PCDH15: variants seen among roughly 807,000 people sequenced by gnomAD.
PCDH15 encodes the protein protocadherin related 15.
PCDH15 carries 129 observed loss-of-function variants against 178.5 expected under a neutral mutation model. That is an observed-to-expected ratio of 0.72 (90% CI 0.63 to 0.84). The LOEUF is 0.84. Among genes scored for constraint, PCDH15 ranks in the 40% least tolerant of loss-of-function variants. The pLI is 0.00. For missense variants in PCDH15, 2,230 were observed against 2,099.9 expected, an observed-to-expected ratio of 1.06 and a Z score of -1.21; for synonymous variants, 800 against 732.0, an observed-to-expected ratio of 1.09 and a Z score of -1.50.
intron 1 of PCDH15, among the ~76,000 whole-genome samples, chr10:54,718,084 G>A (rs1482838714): frequency 1.3e-5 from 2 of 149,730 alleles, no homozygotes; most frequent in African/African-American, 2.5e-5. Flanking sequence ...ACACAGGAGG[G>A]TGAACATCAC....
In PCDH15 at chr10:55,301,689, T is replaced by A. The variant is rs192008035; in HGVS notation, c.-156+17910A>T. The stretch of plus-strand genomic sequence containing the variant: ...TTGCTTTGCTCTATTGCCTAAAGGA[T>A]GTTTTCTAAGTTTTTATTCTAAAAG... On this transcript the variant is annotated intron_variant, in intron 1 of 5. Coordinates refer to the PCDH15 transcript ENST00000458638. Among the ~76,000 whole-genome samples, 19 of 152,280 alleles carry A rather than the reference T, an allele frequency of 1.2e-4. 1 individual carries two copies. The East Asian group carries it at 3.3e-3, about 26-fold the overall frequency.
chr10:53,932,971 T>C (rs2085211333), intron 25 of PCDH15, among the ~76,000 whole-genome samples: 1 of 151,352 alleles, frequency 6.6e-6, no homozygotes, highest in African/African-American at 2.4e-5. Flanking sequence ...CCCCCACCAC[T>C]CTCTCTCTCC....
At chr10:55,244,588 C>A (rs1173582599) in intron 1 of PCDH15, among the ~76,000 whole-genome samples, 1 of 151,908 alleles carries the variant, frequency 6.6e-6, no homozygotes, top group Non-Finnish European at 1.5e-5. Context: ...CACACACACA[C>A]ACACAAACAC....
chr10:55,235,843 G>A (rs1841366223), intron 1 of PCDH15, among the ~76,000 whole-genome samples: 1 of 145,808 alleles, frequency 6.9e-6, no homozygotes, highest in Admixed American at 7.1e-5. Context: ...GGAGGTGGAG[G>A]TTGCAGTGAG....
intron 1 of PCDH15, among the ~76,000 whole-genome samples, chr10:54,710,591 G>T (rs1167451629): frequency 6.6e-6 from 1 of 151,900 alleles, no homozygotes; most frequent in African/African-American, 2.4e-5. Flanking sequence ...AAAGGATTTT[G>T]AATTATACTT....
At chr10:54,947,784 G>C (rs1190983101) in intron 2 of PCDH15, among the ~76,000 whole-genome samples, 2 of 151,744 alleles carry the variant, frequency 1.3e-5, no homozygotes, top group Admixed American at 6.6e-5. Context: ...ATAAAATCCT[G>C]TCTTTATTCA....
intron 13 of PCDH15, among the ~76,000 whole-genome samples, chr10:54,157,716 C>A (rs1216586581): frequency 6.6e-6 from 1 of 152,150 alleles, no homozygotes; most frequent in Non-Finnish European, 1.5e-5. Flanking sequence ...TGTTGTCAGG[C>A]TGCAAATTTT....
intron 1 of PCDH15, among the ~76,000 whole-genome samples, chr10:55,170,329 T>A (rs1413866615): frequency 1.3e-5 from 2 of 151,536 alleles, no homozygotes; most frequent in Admixed American, 6.6e-5. Context: ...AAAAAAAAAA[T>A]TGCAGAGACA....
intron 6 of PCDH15, among the ~76,000 whole-genome samples, chr10:54,331,603 A>C (rs1294109612): frequency 6.6e-6 from 1 of 151,782 alleles, no homozygotes; most frequent in African/African-American, 2.4e-5. Flanking sequence ...TATGGGCAAA[A>C]CCTTAGTTAA....
intron 2 of PCDH15, among the ~76,000 whole-genome samples, chr10:55,058,403 T>C (rs1841355981): frequency 6.6e-6 from 1 of 152,028 alleles, no homozygotes; most frequent in Non-Finnish European, 1.5e-5. Context: ...AGAGATGGGA[T>C]TTTGCCGTCT....
chr10:55,376,552 G>A (rs547164281), intron 2 of PCDH15, among the ~76,000 whole-genome samples: 2 of 152,122 alleles, frequency 1.3e-5, no homozygotes, highest in East Asian at 3.9e-4. Context: ...GTTTTCCAGA[G>A]ACTCCCATTT....
chr10:54,830,405 TA>T (rs1347713021), intron 3 of PCDH15, among the ~76,000 whole-genome samples: 1 of 152,068 alleles, frequency 6.6e-6, no homozygotes, highest in African/African-American at 2.4e-5. Context: ...TATGCCGCCA[TA>T]AAAAATGATG....
At chr10:54,296,201 G>A (rs368147549) in intron 8 of PCDH15, among the ~76,000 whole-genome samples, 7 of 147,576 alleles carry the variant, frequency 4.7e-5, no homozygotes, top group South Asian at 2.2e-4. Context: ...ATAAAAACAC[G>A]GGTGTCAGGC....
chr10:54,067,577 C>T (rs978494463), intron 17 of PCDH15, among the ~76,000 whole-genome samples: 3 of 152,098 alleles, frequency 2.0e-5, no homozygotes, highest in Non-Finnish European at 2.9e-5. Context: ...TGACTATCTT[C>T]ATAAGTGATT....
intron 1 of PCDH15, among the ~76,000 whole-genome samples, chr10:55,272,366 A>T (rs1431305424): frequency 4.7e-5 from 7 of 149,658 alleles, no homozygotes; most frequent in Admixed American, 4.7e-4. Context: ...TTTTATTTTT[A>T]TTTATTTATA....
intron 20 of PCDH15, among the ~76,000 whole-genome samples, chr10:54,002,109 A>G (rs917550313): frequency 6.6e-6 from 1 of 150,628 alleles, no homozygotes; most frequent in Admixed American, 6.6e-5. Context: ...GTATACATAC[A>G]TATGTATTCA....
chr10:55,058,740 C>T (rs1178479392), intron 2 of PCDH15, among the ~76,000 whole-genome samples: 1 of 152,118 alleles, frequency 6.6e-6, no homozygotes, highest in African/African-American at 2.4e-5. Context: ...TATCATATTG[C>T]ATCGTGTGTG....
chr10:54,973,422 T>A (rs182658790), intron 2 of PCDH15, among the ~76,000 whole-genome samples: 155 of 152,320 alleles, frequency 1.0e-3, no homozygotes, highest in Non-Finnish European at 1.6e-3. Context: ...AACCCAAGGG[T>A]GTTTTAATTT....
intron 2 of PCDH15, among the ~76,000 whole-genome samples, chr10:55,442,463 A>ATATAT (rs1554869586): frequency 3.1e-5 from 2 of 65,514 alleles, no homozygotes; most frequent in Non-Finnish European, 5.3e-5. Flanking sequence ...GATTATATAT[A>ATATAT]TATATATTAT....
Sources: gnomAD v4.1 joint callset for allele counts (sites outside exome capture counted in the v4.1 genomes callset) on GRCh38, gnomAD v4.1.1 for gene constraint, MANE v1.5 for transcripts, NCBI Gene and HGNC (gene_info 2026-07-23, HGNC 2026-07-21) for gene names.